Variants in RNF40 observed in about 807,000 individuals in gnomAD.
RNF40 encodes ring finger protein 40.
In RNF40, 39 loss-of-function variants were observed where a neutral mutation model predicts 123.3. That is an observed-to-expected ratio of 0.32 (90% confidence interval 0.24 to 0.41). The LOEUF is 0.41. Among genes scored for constraint, RNF40 ranks in the 10% least tolerant of loss-of-function variants. The pLI, the probability that RNF40 is intolerant of heterozygous loss-of-function variation, is 1.00. For synonymous variants in RNF40, 538 were observed against 526.0 expected (o/e 1.02, Z -0.31); for missense variants, 1,003 against 1,319.9 (o/e 0.76, Z 3.72).
intron 4 of RNF40, 128 bp downstream of exon 4, chr16:30,763,687 G>T: frequency 9.8e-7 from 1 of 1,018,892 alleles, no homozygotes; most frequent in East Asian, 2.6e-5. Flanking sequence ...TTCATGTTTG[G>T]GCAGTAAAGT....
At chr16:30,773,240 G>A (rs2054178425) in intron 19 of RNF40, among the ~76,000 whole-genome samples, 1 of 152,174 alleles carries the variant, frequency 6.6e-6, no homozygotes, top group South Asian at 2.1e-4. Flanking sequence ...GCCTTGAAGG[G>A]CAGAGGCAGC....
chr16:30,775,998 C>T lies in RNF40; in HGVS notation c.*1884C>T, dbSNP rs1337142558. ...GGACATCGGGCCGCAGAGAAAGTGC[C>T]GATGGCCTGGGGCAGCGGTGCGAGG... On this transcript the variant is annotated 3_prime_UTR_variant, in exon 20 of 20. Coordinates refer to ENST00000324685, the MANE Select transcript of RNF40 (RefSeq NM_014771.4). The T allele has an allele frequency of 6.6e-6, 1 of 152,244 alleles. No homozygotes were observed. Among genetic ancestry groups the T allele is most frequent in the Non-Finnish European group, 1.5e-5 (1 of 68,088 alleles). The allele number at this position is 152,244 out of a possible 1,614,324, so 9.4% of individuals were successfully genotyped here.
chr16:30,774,563 A>G lies in RNF40; in HGVS notation c.*449A>G. 4.4e-6 allele frequency: 1 copy of G among 225,334 alleles called. No individual in the cohort carries two copies. Among genetic ancestry groups the G allele is most frequent in the South Asian group, 6.2e-5 (1 of 16,180 alleles). 14.0% of individuals were successfully genotyped at this position (225,334 alleles called of 1,614,324 possible). Reference sequence around the variant, plus strand: ...TGTTCCTTGTTTGAGACTGGGCTGCAGGCCCCAGGAAGACTTTCCTTCACC... The same window carrying G: ...TGTTCCTTGTTTGAGACTGGGCTGCGGGCCCCAGGAAGACTTTCCTTCACC... On this transcript the variant is annotated 3_prime_UTR_variant, in exon 20 of 20. Transcript: ENST00000324685.
Position 30,775,342 on chromosome 16 carries a change from T to C in RNF40, c.*1228T>C, listed in dbSNP as rs1417409141. On this transcript the variant is annotated 3_prime_UTR_variant, in exon 20 of 20. Coordinates refer to ENST00000324685, the MANE Select transcript of RNF40 (RefSeq NM_014771.4). ...ACTGGGCCTGAAGGGGAGAGCGTGG[T>C]GGTCGTCGCGGAGCCGCCTGTCCTG... The C allele has an allele frequency of 6.9e-6, 2 of 289,566 alleles. No homozygotes were observed. The highest frequency in any genetic ancestry group is 2.0e-4 in the East Asian group (2 of 9,774). 17.9% of individuals were successfully genotyped at this position (289,566 alleles called of 1,614,324 possible).
Position 30,769,464 on chromosome 16 carries a change from CT to C in RNF40, c.2461-10del. 1 of 1,613,954 alleles carries C rather than the reference CT, an allele frequency of 6.2e-7. No individual in the cohort carries two copies. Among genetic ancestry groups the C allele is most frequent in the Non-Finnish European group, 8.5e-7 (1 of 1,179,894 alleles). ...GGGGGTCATGGCCCTGAGTCCTCCT[CT>C]GGTCCTTAGGTGGATGCCCAGCTGC... is the stretch of plus-strand genomic sequence containing the variant. On this transcript the variant is annotated splice_polypyrimidine_tract_variant and intron_variant, in intron 16 of 19. Coordinates refer to ENST00000324685, the MANE Select transcript of RNF40 (RefSeq NM_014771.4).
intron 17 of RNF40, among the ~76,000 whole-genome samples, chr16:30,769,996 A>G (rs939216272): frequency 6.6e-6 from 1 of 151,976 alleles, no homozygotes; most frequent in African/African-American, 2.4e-5. Context: ...CTTCTCGAGC[A>G]GGCTGACAGG....
In RNF40 at chr16:30,775,795, G is replaced by A. The variant is rs1258710414; in HGVS notation, c.*1681G>A. 6.6e-6 allele frequency: 1 copy of A among 152,312 alleles called. No homozygotes were observed. The highest frequency in any genetic ancestry group is 2.4e-5 in the African/African-American group (1 of 41,468). The allele number at this position is 152,312 out of a possible 1,614,324, so 9.4% of individuals were successfully genotyped here. A position where few individuals can be genotyped will look rare whatever the true frequency, so the allele number is the denominator to read the frequency against. ...GCGACAGTGCTATGGCCACGGCAGG[G>A]GCCGCGTGCGTCTCAGCGGTGGCGC... On this transcript the variant is annotated 3_prime_UTR_variant, in exon 20 of 20. Coordinates refer to ENST00000324685, the MANE Select transcript of RNF40 (RefSeq NM_014771.4).
In RNF40 at chr16:30,766,644, C is replaced by G; in HGVS notation, c.1293+86C>G. 1 of 1,583,234 alleles carries G rather than the reference C, an allele frequency of 6.3e-7. No individual in the cohort carries two copies. On this transcript the variant is annotated intron_variant, in intron 10 of 19. Coordinates refer to ENST00000324685, the MANE Select transcript of RNF40 (RefSeq NM_014771.4). This position sits in a 1 kb window ranked among gnomAD's most constrained non-coding sequence, Gnocchi z 5.4. ...TTTGTGCCTTCCGAGGCCCTGTGTG[C>G]CAGCCAGGGGTCCCTGGGGAATAGA...
At chr16:30,770,119 A>ATGGGTTTTTTTTTTTTTTTTTT (rs144255833) in intron 17 of RNF40, among the ~76,000 whole-genome samples, 1 of 98,840 alleles carries the variant, frequency 1.0e-5, no homozygotes, top group Non-Finnish European at 2.0e-5. Context: ...AAAACAAAAG[A>ATGGGTTTTTTTTTTTTTTTTTT]TTTTTGAGTT....
At chr16:30,764,423 C>A in intron 5 of RNF40, 38 bp downstream of exon 5, 1 of 1,551,930 alleles carries the variant, frequency 6.4e-7, no homozygotes, top group Non-Finnish European at 8.8e-7. Context: ...GGTGTCCATC[C>A]CCACCTGCAT....
chr16:30,767,082 C>T (rs975545456), intron 11 of RNF40, among the ~76,000 whole-genome samples: 3 of 152,222 alleles, frequency 2.0e-5, no homozygotes, highest in African/African-American at 7.2e-5. Context: ...CAGGCACATG[C>T]AGAGTCTGAG....
At position 30,769,166 on chromosome 16, in the gene RNF40, T is replaced by A; in HGVS notation, c.2248-20T>A. 1 of 1,613,524 alleles carries A rather than the reference T, an allele frequency of 6.2e-7. No homozygotes were observed. Among genetic ancestry groups the A allele is most frequent in the Non-Finnish European group, 8.5e-7 (1 of 1,179,534 alleles). On this transcript the variant is annotated intron_variant, in intron 15 of 19. Coordinates refer to ENST00000324685, the MANE Select transcript of RNF40 (RefSeq NM_014771.4). ...TGTCCACTTCCCACGTTCCATCTTG[T>A]CTCTGCCCACTTGCTGCAGGAGGAG... is the stretch of plus-strand genomic sequence containing the variant.
rs779532231 is a variant in RNF40 at position 30,768,847 on chromosome 16, C to T, written c.2107C>T (p.Leu703=). 7.4e-6 allele frequency: 12 copies of T among 1,614,228 alleles called. No individual in the cohort carries two copies. Among genetic ancestry groups the T allele is most frequent in the Non-Finnish European group, 1.0e-5 (12 of 1,180,040 alleles). The part of the protein sequence containing the change: ...ERKAKAEVDE[L]RSRIRELEER... ...CTTCCCTGTGCTATAGGTTGATGAGCTGCGGAGCCGCATCCGGGAATTGGA... is the reference window on the plus strand; with the variant it reads ...CTTCCCTGTGCTATAGGTTGATGAGTTGCGGAGCCGCATCCGGGAATTGGA... The change falls in exon 15 of 20, where the codon CTG becomes TTG. Residue 703 remains leucine (L), a synonymous_variant. Coordinates refer to ENST00000324685, the MANE Select transcript of RNF40 (RefSeq NM_014771.4). This position sits in a 1 kb window ranked among gnomAD's most constrained non-coding sequence, Gnocchi z 4.1.
chr16:30,774,451 G>T lies in RNF40; in HGVS notation c.*337G>T. 1 of 259,204 alleles carries T rather than the reference G, an allele frequency of 3.9e-6. No homozygotes were observed. Among genetic ancestry groups the T allele is most frequent in the East Asian group, 8.3e-5 (1 of 11,998 alleles). The allele number at this position is 259,204 out of a possible 1,614,324, so 16.1% of individuals were successfully genotyped here. A position where few individuals can be genotyped will look rare whatever the true frequency, so the allele number is the denominator to read the frequency against. ...CTCCGTGGATGCATCCTAACCCTAA[G>T]GAAAATTCCCCAGGCTGTGATCTAC... On this transcript the variant is annotated 3_prime_UTR_variant, in exon 20 of 20. Coordinates refer to ENST00000324685, the MANE Select transcript of RNF40 (RefSeq NM_014771.4).
intron 2 of RNF40, 87 bp from the exon 3 acceptor site, chr16:30,763,031 C>A: frequency 6.9e-7 from 1 of 1,447,748 alleles, no homozygotes; most frequent in Non-Finnish European, 9.6e-7. Context: ...CCATGCATTG[C>A]AGATGCTCTG....
intron 19 of RNF40, chr16:30,773,716 GC>G: frequency 4.4e-6 from 2 of 455,236 alleles, no homozygotes; most frequent in Non-Finnish European, 7.8e-6. Context: ...AGCCATCACT[GC>G]CCAGTGATGA....
Position 30,766,815 on chromosome 16 carries a change from C to CA in RNF40, c.1370dup (p.Glu458GlyfsTer3). ...TGGAGGACACGCTGGCCCAGGTACG[C>CA]AAGGAGTATGAGATGCTGCGCATCG... On this transcript the variant is annotated frameshift_variant, in exon 11 of 20. Transcript: ENST00000324685. LOFTEE classifies it high-confidence loss of function. This position sits in a 1 kb window ranked among gnomAD's most constrained non-coding sequence, Gnocchi z 5.4. 1 of 1,614,024 alleles carries CA rather than the reference C, an allele frequency of 6.2e-7. No homozygotes were observed. Among genetic ancestry groups the CA allele is most frequent in the Non-Finnish European group, 8.5e-7 (1 of 1,180,018 alleles).
chr16:30,773,698 C>T (rs2054186074), intron 19 of RNF40: 1 of 407,084 alleles, frequency 2.5e-6, no homozygotes, highest in Non-Finnish European at 4.4e-6. Context: ...TTTGAGGGGA[C>T]ACATGATAGC....
In RNF40 at chr16:30,765,243, A is replaced by G. The variant is rs763788857; in HGVS notation, c.834A>G (p.Thr278=). ...CCAAGGTGCTGGAGATGGAGACAAC[A>G]GTGGAGGACTTGCAGTGGGACATCG... ...AETKVLEMET[T]VEDLQWDIEK... Residue 278 remains threonine (T), a synonymous_variant, in exon 7 of 20, where the codon ACA becomes ACG. Transcript: ENST00000324685. 4.3e-6 allele frequency: 7 copies of G among 1,614,228 alleles called. No individual in the cohort carries two copies. Among genetic ancestry groups the G allele is most frequent in the South Asian group, 2.2e-5 (2 of 91,092 alleles).
Sources: gnomAD v4.1 joint callset for allele counts (sites outside exome capture counted in the v4.1 genomes callset) on GRCh38, gnomAD v4.1.1 for gene constraint, Gnocchi (gnomAD v3.1) non-coding constraint, MANE v1.5 for transcripts, NCBI Gene and HGNC (gene_info 2026-07-23, HGNC 2026-07-21) for gene names.